Variants in MILR1 observed in about 807,000 individuals in gnomAD.
MILR1 encodes the protein allergin-1.
Under a neutral mutation model 18.5 loss-of-function variants are expected in MILR1, and 31 were observed. The observed-to-expected ratio is 1.68, with a 90% confidence interval of 1.26 to 2.26. MILR1 has a LOEUF of 2.26. Among genes scored for constraint, MILR1 ranks in the 30% most tolerant of loss-of-function variants. The pLI, the probability that MILR1 is intolerant of heterozygous loss-of-function variation, is 0.00. For missense variants in MILR1, 257 were observed against 157.4 expected (o/e 1.63, Z -3.38); for synonymous variants, 85 against 56.2 (o/e 1.51, Z -2.30).
the MILR1 span, chr17:64,496,920 G>A: frequency 1.2e-6 from 2 of 1,612,088 alleles, no homozygotes; most frequent in East Asian, 2.2e-5. Context: ...CCAGACAACA[G>A]GCACCTGCAG....
downstream of MILR1, among the ~76,000 whole-genome samples, chr17:64,470,916 G>A (rs1380304889): frequency 6.6e-6 from 1 of 152,156 alleles, no homozygotes; most frequent in African/African-American, 2.4e-5. Context: ...TGGAATGCTG[G>A]CGTCCACTAG....
chr17:64,455,976 G>A (rs1025627078), intron 3 of MILR1, among the ~76,000 whole-genome samples: 24 of 152,244 alleles, frequency 1.6e-4, no homozygotes, highest in African/African-American at 5.5e-4. Context: ...GGGAGGTAGA[G>A]GTTGCAATGA....
the MILR1 span, chr17:64,487,036 A>C: frequency 2.6e-5 from 4 of 152,174 alleles, no homozygotes; most frequent in African/African-American, 9.6e-5. Flanking sequence ...ATATTCATGT[A>C]ATTTTTAAAA....
At chr17:64,496,149 G>A in the MILR1 span, among the ~76,000 whole-genome samples, 2 of 152,258 alleles carry the variant, frequency 1.3e-5, no homozygotes, top group African/African-American at 4.8e-5. Context: ...TGACAGCACT[G>A]TGTTCAGAAG....
rs1024010204 is a variant in MILR1 at position 64,451,046 on chromosome 17, C to T, written c.98-1551C>T. On this transcript the variant is annotated intron_variant, in intron 2 of 9. Coordinates refer to ENST00000619286, the MANE Select transcript of MILR1 (RefSeq NM_001085423.2). ...AAGTTGCCCTCCCAACAAGGCTGAT[C>T]GTATCCTATCAGTCACCAACGGTGG... 6.2e-3 allele frequency among the ~76,000 whole-genome samples: 945 copies of T among 152,284 alleles called. 12 individuals are homozygous for T. Among genetic ancestry groups the T allele is most frequent in the African/African-American group, 0.021 (878 of 41,568 alleles).
At chr17:64,492,614 C>T in the MILR1 span, 2 of 1,006,250 alleles carry the variant, frequency 2.0e-6, no homozygotes, top group Admixed American at 3.6e-5. Flanking sequence ...ACCACTGACA[C>T]ATTAAGACAA....
chr17:64,480,263 C>A, the MILR1 span: 1 of 1,047,656 alleles, frequency 9.5e-7, no homozygotes, highest in Non-Finnish European at 1.5e-6. Flanking sequence ...AATAAATACA[C>A]TCTTTAATGA....
the MILR1 span, among the ~76,000 whole-genome samples, chr17:64,482,081 A>C: frequency 2.7e-5 from 4 of 146,080 alleles, no homozygotes; most frequent in Admixed American, 2.8e-4. Flanking sequence ...CCCACAGTTC[A>C]TTATTTAATT....
At chr17:64,489,760 T>C in the MILR1 span, among the ~76,000 whole-genome samples, 2 of 134,946 alleles carry the variant, frequency 1.5e-5, no homozygotes, top group Non-Finnish European at 3.2e-5. Flanking sequence ...CTGTCTCAAA[T>C]AAAGAAAAAA....
downstream of MILR1, among the ~76,000 whole-genome samples, chr17:64,472,213 G>A (rs2037696308): frequency 1.3e-5 from 2 of 151,870 alleles, no homozygotes; most frequent in Admixed American, 1.3e-4. Flanking sequence ...GGGCGCAGTG[G>A]CTCACGTCTG....
At chr17:64,489,541 G>A in the MILR1 span, among the ~76,000 whole-genome samples, 46 of 151,492 alleles carry the variant, frequency 3.0e-4, 1 homozygote, top group Admixed American at 1.8e-3. Context: ...CAGGGGGATT[G>A]TTTCATCCCA....
chr17:64,491,766 G>T, the MILR1 span: 3 of 659,840 alleles, frequency 4.5e-6, no homozygotes, highest in South Asian at 4.3e-5. Flanking sequence ...GCTCAAGCAC[G>T]AGCGGCTATG....
the MILR1 span, chr17:64,496,477 C>T: frequency 2.5e-6 from 4 of 1,610,428 alleles, no homozygotes; most frequent in Admixed American, 3.3e-5. Flanking sequence ...CTAGCTGTTC[C>T]TTACTCAGCT....
At chr17:64,474,019 T>G in the MILR1 span, among the ~76,000 whole-genome samples, 1 of 152,182 alleles carries the variant, frequency 6.6e-6, no homozygotes, top group Non-Finnish European at 1.5e-5. Flanking sequence ...CCCTCTGCAG[T>G]CCTGAATTTG....
the MILR1 span, among the ~76,000 whole-genome samples, chr17:64,473,925 A>G: frequency 3.3e-5 from 5 of 152,228 alleles, no homozygotes; most frequent in South Asian, 4.1e-4. Context: ...ATACTCATCA[A>G]TTTGTACATT....
chr17:64,480,217 G>A, the MILR1 span: 6 of 469,454 alleles, frequency 1.3e-5, no homozygotes, highest in Non-Finnish European at 1.9e-5. Flanking sequence ...GAAGAGATTT[G>A]TTTCTGTAAT....
downstream of MILR1, among the ~76,000 whole-genome samples, chr17:64,470,407 T>C (rs1268421714): frequency 1.3e-5 from 2 of 152,206 alleles, no homozygotes; most frequent in African/African-American, 2.4e-5. Flanking sequence ...TGAATGAATG[T>C]TTTTAATACC....
intron 2 of MILR1, among the ~76,000 whole-genome samples, chr17:64,450,646 A>C (rs1187848518): frequency 6.6e-6 from 1 of 151,638 alleles, no homozygotes; most frequent in East Asian, 1.9e-4. Context: ...TGCCTGGGTA[A>C]TTTTTGTATT....
rs558758552 is a variant in MILR1, at chr17:64,465,400, G to GA, written c.764-47dup. The GA allele has an allele frequency of 5.9e-4, 796 of 1,346,520 alleles. 1 individual carries two copies. Among genetic ancestry groups the GA allele is most frequent in the Non-Finnish European group, 7.4e-4 (712 of 958,294 alleles). 83.4% of individuals were successfully genotyped at this position (1,346,520 alleles called of 1,614,324 possible). ...TTCTGCTCCTTGGCCGAGGAGATGA[G>GA]AAAAATGTGGCTGAATTGGTTTAAT... is the stretch of plus-strand genomic sequence containing the variant. On this transcript the variant is annotated intron_variant, in intron 5 of 9. Coordinates refer to ENST00000619286, the MANE Select transcript of MILR1 (RefSeq NM_001085423.2).
Sources: gnomAD v4.1 joint callset for allele counts (sites outside exome capture counted in the v4.1 genomes callset) on GRCh38, gnomAD v4.1.1 for gene constraint, MANE v1.5 for transcripts, NCBI Gene and HGNC (gene_info 2026-07-23, HGNC 2026-07-21) for gene names.